CDH18: variants seen among roughly 807,000 people sequenced by gnomAD.
CDH18 encodes cadherin-18.
In CDH18, 31 loss-of-function variants were observed where a neutral mutation model predicts 67.9. The ratio of observed to expected loss-of-function variants is 0.46; its 90% CI spans 0.34 to 0.62. The LOEUF is 0.62. Among genes scored for constraint, CDH18 ranks in the 20% least tolerant of loss-of-function variants. The pLI is 0.01. For synonymous variants in CDH18, 362 were observed against 347.2 expected, an observed-to-expected ratio of 1.04 and a Z score of -0.48; for missense variants, 890 against 975.5, an observed-to-expected ratio of 0.91 and a Z score of 1.17.
rs558476872 is a variant in CDH18 at position 19,489,288 on chromosome 5, C to T, written c.1631-5736G>A. Among the ~76,000 whole-genome samples the T allele has an allele frequency of 1.1e-4, 16 of 145,226 alleles. No individual in the cohort carries two copies. In the South Asian group the frequency reaches 3.1e-3, roughly 28 times the overall value. The stretch of plus-strand genomic sequence containing the variant: ...TTTGAGACTGAGTCTCTCTCTGTCG[C>T]CCAGGCTGGAGTGCAGTGGTGCAAT... On this transcript the variant is annotated intron_variant, in intron 11 of 12. Coordinates refer to ENST00000382275, the MANE Select transcript of CDH18 (RefSeq NM_004934.5).
In CDH18 at chr5:19,723,269, C is replaced by CA. The variant is rs1230051093; in HGVS notation, c.524-1804dup. Among the ~76,000 whole-genome samples the CA allele has an allele frequency of 1.5e-3, 210 of 138,514 alleles. 1 individual carries two copies. The highest frequency in any genetic ancestry group is 2.3e-3 in the South Asian group (10 of 4,388). 90.9% of individuals were successfully genotyped at this position (138,514 alleles called of 152,430 possible). Reference sequence around the variant, plus strand: ...GGGCAACAAGAGCGAAACTCTGTCTCAAAAAAAAAAAGAAAGAAAATTTGT... The same window carrying CA: ...GGGCAACAAGAGCGAAACTCTGTCTCAAAAAAAAAAAAGAAAGAAAATTTGT... On this transcript the variant is annotated intron_variant, in intron 4 of 12. Transcript: ENST00000382275.
intron 3 of CDH18, among the ~76,000 whole-genome samples, chr5:19,778,284 T>C (rs1774635846): frequency 6.6e-6 from 1 of 152,184 alleles, no homozygotes; most frequent in East Asian, 1.9e-4. Flanking sequence ...AGCCAATATC[T>C]GAAACACAAC....
intron 2 of CDH18, among the ~76,000 whole-genome samples, chr5:19,843,314 C>A (rs528070566): frequency 1.5e-4 from 23 of 152,316 alleles, no homozygotes; most frequent in African/African-American, 5.3e-4. Flanking sequence ...AAAGAGACCA[C>A]GGTACAGCTC....
chr5:20,266,918 T>C (rs1162678745), intron 1 of CDH18, among the ~76,000 whole-genome samples: 1 of 152,098 alleles, frequency 6.6e-6, no homozygotes, highest in Non-Finnish European at 1.5e-5. Flanking sequence ...GTTTAGGAGT[T>C]GGAAGGAATG....
intron 1 of CDH18, among the ~76,000 whole-genome samples, chr5:20,428,377 G>T (rs1560992520): frequency 6.6e-6 from 1 of 152,148 alleles, no homozygotes; most frequent in Non-Finnish European, 1.5e-5. Flanking sequence ...CCAAGTCTTT[G>T]CTATTGTAAA....
chr5:19,690,995 C>T (rs1048226508), intron 5 of CDH18, among the ~76,000 whole-genome samples: 4 of 151,632 alleles, frequency 2.6e-5, no homozygotes, highest in Admixed American at 6.6e-5. Flanking sequence ...GGTTAATATC[C>T]CTAATGAACA....
intron 2 of CDH18, among the ~76,000 whole-genome samples, chr5:20,044,675 A>G (rs1247898685): frequency 2.0e-5 from 3 of 152,258 alleles, no homozygotes; most frequent in African/African-American, 7.2e-5. Context: ...TGAATTGTAT[A>G]TTTTAGAAAA....
At chr5:20,439,450 AAC>A (rs35650640) in intron 1 of CDH18, among the ~76,000 whole-genome samples, 2 of 145,252 alleles carry the variant, frequency 1.4e-5, no homozygotes, top group Non-Finnish European at 3.0e-5. Flanking sequence ...ACACAAGATA[AAC>A]ACACACACAC....
chr5:19,981,949 A>G (rs1799086245), intron 1 of CDH18, among the ~76,000 whole-genome samples: 1 of 152,190 alleles, frequency 6.6e-6, no homozygotes, highest in African/African-American at 2.4e-5. Context: ...TACAAATACT[A>G]CAAAATACTA....
chr5:20,541,747 T>C (rs549600477), intron 1 of CDH18, among the ~76,000 whole-genome samples: 9 of 152,276 alleles, frequency 5.9e-5, no homozygotes, highest in African/African-American at 2.2e-4. Context: ...GGAGTAACTT[T>C]TAAAAGGAAA....
chr5:20,028,847 G>A lies in CDH18; in HGVS notation c.-517-36833C>T, dbSNP rs75006796. ...AATATTTTTTTGGCTGCAGAAAACC[G>A]AAATCTCAGAAAGTGAAATTGTAGG... On this transcript the variant is annotated intron_variant, in intron 2 of 14. Transcript: ENST00000507958. Among the ~76,000 whole-genome samples, 2,792 of 152,150 alleles carry A rather than the reference G, an allele frequency of 0.018. 187 individuals are homozygous for A. In the East Asian group the frequency reaches 0.25, roughly 14 times the overall value.
At chr5:19,798,970 A>G (rs764366724) in intron 3 of CDH18, among the ~76,000 whole-genome samples, 2 of 152,088 alleles carry the variant, frequency 1.3e-5, no homozygotes, top group Non-Finnish European at 2.9e-5. Context: ...TATTAATACT[A>G]CATTTTCTTT....
At position 19,912,434 on chromosome 5, in the gene CDH18, G is replaced by A. The variant is rs868287390; in HGVS notation, c.-257+68626C>T. ...AGAATCACTGTATTGGAGCAATGAG[G>A]CCAGATATCAAACTGGAGTGGGGAA... On this transcript the variant is annotated intron_variant, in intron 2 of 12. Coordinates refer to ENST00000382275, the MANE Select transcript of CDH18 (RefSeq NM_004934.5). Among the ~76,000 whole-genome samples, 3 of 152,102 alleles carry A rather than the reference G, an allele frequency of 2.0e-5. No individual in the cohort carries two copies. In the South Asian group the frequency reaches 6.2e-4, roughly 31 times the overall value.
chr5:20,116,365 A>C (rs1257226455), intron 2 of CDH18, among the ~76,000 whole-genome samples: 10 of 151,984 alleles, frequency 6.6e-5, no homozygotes, highest in South Asian at 2.1e-4. Context: ...TACAAAAAAA[A>C]ATGTAGCCAG....
At chr5:20,024,937 C>T (rs1259035216) in intron 2 of CDH18, among the ~76,000 whole-genome samples, 1 of 152,162 alleles carries the variant, frequency 6.6e-6, no homozygotes, top group Non-Finnish European at 1.5e-5. Context: ...CAACATCACT[C>T]ACTGACCTGC....
At chr5:19,665,233 T>C (rs1432908807) in intron 5 of CDH18, among the ~76,000 whole-genome samples, 1 of 152,038 alleles carries the variant, frequency 6.6e-6, no homozygotes, top group Non-Finnish European at 1.5e-5. Flanking sequence ...AAAGATTTAT[T>C]AGACTCATTT....
At chr5:20,445,803 G>A (rs955972696) in intron 1 of CDH18, among the ~76,000 whole-genome samples, 12 of 152,178 alleles carry the variant, frequency 7.9e-5, no homozygotes, top group Admixed American at 6.5e-4. Context: ...CAGTTCTTGT[G>A]ATGGTAAGCA....
At chr5:20,453,543 G>A (rs1414984476) in intron 1 of CDH18, among the ~76,000 whole-genome samples, 1 of 150,012 alleles carries the variant, frequency 6.7e-6, no homozygotes, top group Non-Finnish European at 1.5e-5. Flanking sequence ...ATAGATATGT[G>A]TGTATATGTA....
intron 1 of CDH18, among the ~76,000 whole-genome samples, chr5:20,301,024 A>C (rs74898531): frequency 0.011 from 1,744 of 152,298 alleles, 26 homozygotes; most frequent in African/African-American, 0.04. Flanking sequence ...AAGAGGGGTG[A>C]ACGGGTTATT....
Sources: allele counts gnomAD v4.1 joint callset (sites outside exome capture counted in the v4.1 genomes callset), GRCh38; gene constraint gnomAD v4.1.1; transcripts MANE v1.5; gene names NCBI Gene and HGNC (gene_info 2026-07-23, HGNC 2026-07-21).